Variants in STXBP5L observed in about 807,000 individuals in gnomAD.
STXBP5L encodes the protein syntaxin binding protein 5L.
STXBP5L carries 65 observed loss-of-function variants against 144.5 expected under a neutral mutation model. That is an observed-to-expected ratio of 0.45 (90% CI 0.37 to 0.55). The LOEUF is 0.55. Ranked by LOEUF, STXBP5L falls within the 20% of genes least tolerant of loss-of-function variation. STXBP5L has a pLI of 0.00. For synonymous variants in STXBP5L, 505 were observed against 469.6 expected, an observed-to-expected ratio of 1.08 and a Z score of -0.97; for missense variants, 1,298 against 1,405.5, an observed-to-expected ratio of 0.92 and a Z score of 1.22.
chr3:121,306,770 G>A (rs1181486923), intron 19 of STXBP5L, among the ~76,000 whole-genome samples: 1 of 152,042 alleles, frequency 6.6e-6, no homozygotes, highest in Non-Finnish European at 1.5e-5. Context: ...AGCCTTCCTG[G>A]GATTTAAACC....
At chr3:120,930,366 C>T (rs1033672355) in intron 2 of STXBP5L, among the ~76,000 whole-genome samples, 1 of 151,646 alleles carries the variant, frequency 6.6e-6, no homozygotes, top group African/African-American at 2.4e-5. Flanking sequence ...ATATTATTTC[C>T]TTATATTGAT....
At position 121,060,354 on chromosome 3, in the gene STXBP5L, T is replaced by C. The variant is rs576076583; in HGVS notation, c.470+14819T>C. On this transcript the variant is annotated intron_variant, in intron 5 of 26. Transcript: ENST00000471454. ...ATTGTGGTGGATAAGCTTTTTGATG[T>C]GCTGCTGGACTTGGTTTGTCAGTAT... Among the ~76,000 whole-genome samples the C allele has an allele frequency of 3.0e-4, 45 of 152,310 alleles. 2 individuals carry two copies. The highest frequency in any genetic ancestry group is 9.6e-4 in the East Asian group (5 of 5,186).
At chr3:121,047,155 A>G (rs1947574392) in intron 5 of STXBP5L, among the ~76,000 whole-genome samples, 1 of 151,952 alleles carries the variant, frequency 6.6e-6, no homozygotes, top group African/African-American at 2.4e-5. Flanking sequence ...ATCCAATTGT[A>G]TGGTTTTGAG....
intron 19 of STXBP5L, among the ~76,000 whole-genome samples, chr3:121,316,017 A>G (rs1185436493): frequency 1.3e-5 from 2 of 151,730 alleles, no homozygotes; most frequent in Admixed American, 6.6e-5. Context: ...AAAAAAAGGA[A>G]GAAAAAAGCC....
At chr3:121,413,083 A>C in intron 23 of STXBP5L, 75 bp from the exon 24 acceptor site, 1 of 1,146,238 alleles carries the variant, frequency 8.7e-7, no homozygotes, top group Admixed American at 2.9e-5. Context: ...AATAGAATAA[A>C]AATTACTGTT....
At chr3:120,939,693 G>A (rs1307303338) in intron 2 of STXBP5L, among the ~76,000 whole-genome samples, 3 of 151,960 alleles carry the variant, frequency 2.0e-5, no homozygotes, top group Non-Finnish European at 2.9e-5. Flanking sequence ...TTCAATCGTC[G>A]AACATAACGT....
At chr3:121,377,745 TTGTGGAAACAG>T (rs2046226593) in intron 20 of STXBP5L, among the ~76,000 whole-genome samples, 1 of 152,198 alleles carries the variant, frequency 6.6e-6, no homozygotes, top group African/African-American at 2.4e-5. Context: ...AGTTCAACCA[TTGTGGAAACAG>T]TGTGGCGATT....
chr3:121,213,864 G>A (rs181689058), intron 10 of STXBP5L, among the ~76,000 whole-genome samples: 2 of 152,136 alleles, frequency 1.3e-5, no homozygotes, highest in Admixed American at 1.3e-4. Context: ...GGGTTGGTAG[G>A]CTATTAATTA....
At chr3:121,138,825 TCATGACATGGGTATGGG>T (rs1400247623) in intron 7 of STXBP5L, among the ~76,000 whole-genome samples, 1 of 152,012 alleles carries the variant, frequency 6.6e-6, no homozygotes, top group African/African-American at 2.4e-5. Flanking sequence ...GGGAAATGCT[TCATGACATGGGTATGGG>T]CAAGGAGTTT....
At chr3:120,985,691 C>T (rs373916878) in intron 3 of STXBP5L, among the ~76,000 whole-genome samples, 1 of 151,814 alleles carries the variant, frequency 6.6e-6, no homozygotes, top group Non-Finnish European at 1.5e-5. Flanking sequence ...CTTCTAGATT[C>T]TTCAGTTGGT....
At chr3:121,185,020 G>T (rs1171307956) in intron 9 of STXBP5L, among the ~76,000 whole-genome samples, 1 of 152,080 alleles carries the variant, frequency 6.6e-6, no homozygotes, top group Non-Finnish European at 1.5e-5. Flanking sequence ...TGCTGATATT[G>T]CCACCACCAG....
intron 20 of STXBP5L, among the ~76,000 whole-genome samples, chr3:121,364,856 A>C (rs530698721): frequency 4.6e-5 from 7 of 151,698 alleles, no homozygotes; most frequent in Non-Finnish European, 8.9e-5. Flanking sequence ...CTTTGTTTTT[A>C]TATATGGCTT....
intron 7 of STXBP5L, among the ~76,000 whole-genome samples, chr3:121,129,496 A>G (rs907016152): frequency 6.6e-6 from 1 of 152,082 alleles, no homozygotes; most frequent in African/African-American, 2.4e-5. Context: ...GACAGTCCCA[A>G]TCACAGCTGC....
intron 3 of STXBP5L, among the ~76,000 whole-genome samples, chr3:120,979,904 T>A (rs1043680718): frequency 1.3e-5 from 2 of 152,202 alleles, no homozygotes; most frequent in African/African-American, 4.8e-5. Context: ...GTATCCTGTA[T>A]GTTTTAGTAT....
intron 20 of STXBP5L, among the ~76,000 whole-genome samples, chr3:121,351,926 T>C (rs1560009249): frequency 6.6e-6 from 1 of 152,158 alleles, no homozygotes; most frequent in Non-Finnish European, 1.5e-5. Flanking sequence ...CCCAGCACCA[T>C]TTATTAAATA....
chr3:121,355,732 G>T (rs2045484552), intron 20 of STXBP5L, among the ~76,000 whole-genome samples: 1 of 152,134 alleles, frequency 6.6e-6, no homozygotes, highest in Non-Finnish European at 1.5e-5. Flanking sequence ...TTCTGTTACT[G>T]GCGAGGAGCT....
intron 3 of STXBP5L, among the ~76,000 whole-genome samples, chr3:121,005,425 A>C (rs1576635562): frequency 1.3e-5 from 2 of 152,046 alleles, no homozygotes; most frequent in African/African-American, 4.8e-5. Context: ...TATTGCGTCT[A>C]TTTGATTCTT....
intron 3 of STXBP5L, among the ~76,000 whole-genome samples, chr3:121,025,116 C>A (rs1383082281): frequency 6.6e-6 from 1 of 152,086 alleles, no homozygotes; most frequent in African/African-American, 2.4e-5. Flanking sequence ...AACCACCCAA[C>A]TCAATTAATA....
chr3:120,973,936 A>T (rs1018220862), intron 3 of STXBP5L, among the ~76,000 whole-genome samples: 3 of 152,082 alleles, frequency 2.0e-5, no homozygotes, highest in Non-Finnish European at 2.9e-5. Context: ...TAATCCAGTC[A>T]ATCATTGTTG....
Sources: allele counts gnomAD v4.1 joint callset (sites outside exome capture counted in the v4.1 genomes callset), GRCh38; gene constraint gnomAD v4.1.1; transcripts MANE v1.5; gene names NCBI Gene and HGNC (gene_info 2026-07-23, HGNC 2026-07-21).